ZNF30: variants seen among roughly 807,000 people sequenced by gnomAD.
ZNF30 encodes zinc finger protein 30 (KOX 28).
A neutral mutation model predicts 13.2 loss-of-function variants in ZNF30; 15 were observed. The observed-to-expected ratio is 1.13, with a 90% CI of 0.76 to 1.75. ZNF30 has a LOEUF of 1.75. Among genes scored for constraint, ZNF30 ranks in the 40% most tolerant of loss-of-function variants. The probability of loss-of-function intolerance (pLI) is 0.00; values close to 1 mark genes in which losing one functional copy is unlikely to be tolerated. For synonymous variants in ZNF30, 223 were observed against 256.6 expected (o/e 0.87, Z 1.25); for missense variants, 726 against 757.0 (o/e 0.96, Z 0.48).
At chr19:34,935,288 A>ATTTT (rs928589198) in intron 4 of ZNF30, among the ~76,000 whole-genome samples, 7 of 152,196 alleles carry the variant, frequency 4.6e-5, no homozygotes, top group African/African-American at 1.7e-4. Context: ...CTTACAAAAA[A>ATTTT]GTTGGAAAGT....
At chr19:34,932,141 G>T in intron 3 of ZNF30, 148 bp downstream of exon 3, 1 of 765,512 alleles carries the variant, frequency 1.3e-6, no homozygotes. Flanking sequence ...AAATGATCCA[G>T]TGGCAGGATT....
At position 34,944,121 on chromosome 19, in the gene ZNF30, A is replaced by T. The variant is rs2013200794; in HGVS notation, c.1155A>T (p.Ser385=). ...GCGGGAGAACCTTCAGTCGTGCCTC[A>T]TATCTTGTTCAACATGGAAGACTTC... is the stretch of plus-strand genomic sequence containing the variant. ...KECGRTFSRA[S]YLVQHGRLHT... The change falls in exon 5 of 5, where the codon TCA becomes TCT. Residue 385 remains serine, a synonymous_variant. Coordinates refer to ENST00000601142, the MANE Select transcript of ZNF30 (RefSeq NM_194325.3). 6.2e-7 allele frequency: 1 copy of T among 1,613,656 alleles called. No individual in the cohort carries two copies. Among genetic ancestry groups the T allele is most frequent in the Non-Finnish European group, 8.5e-7 (1 of 1,179,734 alleles).
At position 34,933,646 on chromosome 19, in the gene ZNF30, C is replaced by T. The variant is rs1217845659; in HGVS notation, c.179C>T (p.Pro60Leu). 1.9e-6 allele frequency: 3 copies of T among 1,600,020 alleles called. No individual in the cohort carries two copies. In the African/African-American group the frequency reaches 4.0e-5, roughly 21 times the overall value. The change falls in exon 4 of 5, where the codon CCA (proline) becomes CTA (leucine). Residue 60 changes from proline to leucine, a missense_variant. By Grantham distance (98) the Pro-to-Leu change is moderately conservative. Coordinates refer to ENST00000601142, the MANE Select transcript of ZNF30 (RefSeq NM_194325.3). Reference protein sequence around the residue: ...LVSMGHSRSKPHVIALLEQWK... With the variant: ...LVSMGHSRSKLHVIALLEQWK... ...TAAGCAGGACATTCCCGTTCTAAAC[C>T]ACATGTGATCGCCTTATTGGAACAA...
At chr19:34,928,220 A>AAATATATATAT (rs1555778254) in intron 1 of ZNF30, among the ~76,000 whole-genome samples, 52 of 73,320 alleles carry the variant, frequency 7.1e-4, no homozygotes, top group Non-Finnish European at 8.4e-4. Flanking sequence ...AAAAAAAAAA[A>AAATATATATAT]ATATATATAT....
upstream of ZNF30, among the ~76,000 whole-genome samples, chr19:34,924,356 C>A (rs547883960): frequency 1.3e-5 from 2 of 152,054 alleles, no homozygotes; most frequent in East Asian, 1.9e-4. Flanking sequence ...TTCTACCCAC[C>A]ATGGAACCCA....
intron 4 of ZNF30, among the ~76,000 whole-genome samples, chr19:34,934,947 A>C (rs1410983072): frequency 6.6e-6 from 1 of 152,158 alleles, no homozygotes; most frequent in Non-Finnish European, 1.5e-5. Context: ...TTTAAAAAAC[A>C]GGCCGGGCGC....
At position 34,943,670 on chromosome 19, in the gene ZNF30, G is replaced by A. The variant is rs1291072113; in HGVS notation, c.704G>A (p.Gly235Glu). The change falls in exon 5 of 5, where the codon GGG becomes GAG. Residue 235 changes from glycine to glutamate, a missense_variant. Coordinates refer to ENST00000601142, the MANE Select transcript of ZNF30 (RefSeq NM_194325.3). ...IHTGKKPYEC[G>E]ECGKAFLVYG... ...ACTGGGAAGAAACCATATGAGTGCG[G>A]GGAATGTGGGAAAGCTTTTCTAGTA... 1.2e-6 allele frequency: 2 copies of A among 1,613,500 alleles called. No homozygotes were observed. The highest frequency in any genetic ancestry group is 1.3e-5 in the African/African-American group (1 of 75,002).
chr19:34,944,735 A>G lies in ZNF30; in HGVS notation c.1769A>G (p.His590Arg), dbSNP rs1000484142. 4 of 1,613,984 alleles carry G rather than the reference A, an allele frequency of 2.5e-6. No homozygotes were observed. Among genetic ancestry groups the G allele is most frequent in the Admixed American group, 1.7e-5 (1 of 59,982 alleles). The change falls in exon 5 of 5, where the codon CAC becomes CGC. Residue 590 changes from histidine to arginine, a missense_variant. His to Arg is a conservative substitution (Grantham distance 29, BLOSUM62 0). Transcript: ENST00000601142. ...TTCCTTACTGAACATCAGCGGGTACACACTGGTGAGAAACCCTTTAAATGC... is the reference window on the plus strand; with the variant it reads ...TTCCTTACTGAACATCAGCGGGTACGCACTGGTGAGAAACCCTTTAAATGC... Reference protein sequence around the residue: ...NSFLTEHQRVHTGEKPFKCKK... With the variant: ...NSFLTEHQRVRTGEKPFKCKK...
chr19:34,926,215 A>G (rs1405048136), upstream of ZNF30, among the ~76,000 whole-genome samples: 1 of 152,200 alleles, frequency 6.6e-6, no homozygotes, highest in Admixed American at 6.5e-5. Context: ...CGGAGCTGAC[A>G]GTCAAGGTGA....
At chr19:34,941,308 A>G (rs2013035125) in intron 4 of ZNF30, among the ~76,000 whole-genome samples, 1 of 152,330 alleles carries the variant, frequency 6.6e-6, no homozygotes, top group Non-Finnish European at 1.5e-5. Context: ...TCTGTTGCCC[A>G]GGCTGGAGTG....
intron 3 of ZNF30, 104 bp from the exon 4 acceptor site, chr19:34,933,524 G>A (rs2151666978): frequency 2.7e-6 from 2 of 750,412 alleles, no homozygotes; most frequent in East Asian, 2.9e-5. Context: ...GAGATATAAA[G>A]GTCAATATCG....
At chr19:34,926,135 C>T (rs1047830022), upstream of ZNF30, among the ~76,000 whole-genome samples, 1 of 152,224 alleles carries the variant, frequency 6.6e-6, no homozygotes, top group Non-Finnish European at 1.5e-5. Flanking sequence ...GATAGCGCCA[C>T]TGCATTCCAG....
At chr19:34,943,103 G>T (rs1282884323) in intron 4 of ZNF30, 120 bp from the exon 5 acceptor site, 15 of 609,878 alleles carry the variant, frequency 2.5e-5, no homozygotes, top group South Asian at 7.2e-5. Flanking sequence ...ATTTCATAAT[G>T]GTGTTTTAAT....
rs1173608847 is a variant in ZNF30, at chr19:34,942,674, G to T, written c.257-549G>T. The stretch of plus-strand genomic sequence containing the variant: ...TGCCACCTGCACATGGAACCAAAAG[G>T]TGAGAAAATTTGTAAGAACGTCAAG... On this transcript the variant is annotated intron_variant, in intron 4 of 4. Coordinates refer to ENST00000601142, the MANE Select transcript of ZNF30 (RefSeq NM_194325.3). 24 of 1,286,656 alleles carry T rather than the reference G, an allele frequency of 1.9e-5. No individual in the cohort carries two copies. The highest frequency in any genetic ancestry group is 1.7e-5 in the Non-Finnish European group (17 of 986,124). The allele number at this position is 1,286,656 out of a possible 1,614,324, so 79.7% of individuals were successfully genotyped here. A position where few individuals can be genotyped will look rare whatever the true frequency, so the allele number is the denominator to read the frequency against.
chr19:34,936,889 CT>C (rs2012771307), intron 4 of ZNF30, among the ~76,000 whole-genome samples: 1 of 152,044 alleles, frequency 6.6e-6, no homozygotes, highest in Non-Finnish European at 1.5e-5. Context: ...GAGAAAACCC[CT>C]GTCTCAAAAA....
At chr19:34,932,126 G>A (rs1486345417) in intron 3 of ZNF30, 133 bp downstream of exon 3, 9 of 882,208 alleles carry the variant, frequency 1.0e-5, no homozygotes, top group Admixed American at 8.0e-5. Context: ...GCTTTGTTAG[G>A]TTGGAAATGA....
chr19:34,926,047 C>T (rs191611959), upstream of ZNF30, among the ~76,000 whole-genome samples: 10 of 152,162 alleles, frequency 6.6e-5, no homozygotes, highest in Admixed American at 2.6e-4. Context: ...AGTGGCGCGC[C>T]CCTGTAGTCT....
chr19:34,943,263 G>A lies in ZNF30; in HGVS notation c.297G>A (p.Met99Ile). The change falls in exon 5 of 5, where the codon ATG (methionine) becomes ATA (isoleucine). Residue 99 changes from methionine (M) to isoleucine (I), a missense_variant. Coordinates refer to ENST00000601142, the MANE Select transcript of ZNF30 (RefSeq NM_194325.3). The stretch of plus-strand genomic sequence containing the variant: ...ATGATACAATCGGCTGTAAAGAAAT[G>A]CCCACCTCTGAAAACTGTCCATCTT... ...LEDDTIGCKE[M>I]PTSENCPSFA... 6.2e-7 allele frequency: 1 copy of A among 1,609,072 alleles called. No individual in the cohort carries two copies. The highest frequency in any genetic ancestry group is 8.5e-7 in the Non-Finnish European group (1 of 1,177,614).
chr19:34,929,133 T>C (rs1248138356), intron 1 of ZNF30, among the ~76,000 whole-genome samples: 2 of 151,970 alleles, frequency 1.3e-5, no homozygotes, highest in African/African-American at 4.8e-5. Flanking sequence ...ATACAAAACT[T>C]AGCTGGGCGT....
Sources: gnomAD v4.1 joint callset for allele counts (sites outside exome capture counted in the v4.1 genomes callset) on GRCh38, gnomAD v4.1.1 for gene constraint, MANE v1.5 for transcripts, NCBI Gene and HGNC (gene_info 2026-07-23, HGNC 2026-07-21) for gene names.